The following LMTK2 variants were observed in gnomAD, a reference collection of about 807,000 sequenced individuals.
LMTK2 encodes the protein lemur tail kinase 2.
In LMTK2, 37 loss-of-function variants were observed where a neutral mutation model predicts 127.5. That is an observed-to-expected ratio of 0.29 (90% CI 0.22 to 0.38). The LOEUF is 0.38. Among genes scored for constraint, LMTK2 ranks in the 10% least tolerant of loss-of-function variants. LMTK2 has a pLI of 1.00. For synonymous variants in LMTK2, 819 were observed against 810.1 expected (o/e 1.01, Z -0.19); for missense variants, 1,694 against 1,920.3 (o/e 0.88, Z 2.20).
rs769430942 is a variant in LMTK2 at position 98,193,270 on chromosome 7, C to T, written c.2805C>T (p.His935=). 6.2e-7 allele frequency: 1 copy of T among 1,613,770 alleles called. No homozygotes were observed. The highest frequency in any genetic ancestry group is 1.1e-5 in the South Asian group (1 of 91,076). The part of the protein sequence containing the change: ...LHNKPFSEDH[H]SHRRLEKNLE... ...ATAAACCATTTTCGGAAGACCATCACAGTCATCGCCGGCTAGAGAAAAACT... is the reference window on the plus strand; with the variant it reads ...ATAAACCATTTTCGGAAGACCATCATAGTCATCGCCGGCTAGAGAAAAACT... Residue 935 remains histidine, a synonymous_variant, in exon 11 of 14, where the codon CAC becomes CAT. Transcript: ENST00000297293. The surrounding 1 kb of genome is among the most constrained non-coding windows in gnomAD (Gnocchi z 4.1).
chr7:98,188,672 A>G (rs1797475874), intron 9 of LMTK2, among the ~76,000 whole-genome samples: 1 of 152,092 alleles, frequency 6.6e-6, no homozygotes, highest in Admixed American at 6.5e-5. Context: ...TGAGTATACC[A>G]TCCTATTCTC....
rs951305840 is a variant in LMTK2 at position 98,206,784 on chromosome 7, G to A, written c.*1292G>A. On this transcript the variant is annotated 3_prime_UTR_variant, in exon 14 of 14. Transcript: ENST00000297293. ...ACGTCCAGCTGGGCCTGGCCAGTCT[G>A]TGGTTATCCATGTGGGATGAGATAA... The A allele has an allele frequency of 1.3e-5, 2 of 152,202 alleles. No homozygotes were observed. The highest frequency in any genetic ancestry group is 4.8e-5 in the African/African-American group (2 of 41,416). The allele number at this position is 152,202 out of a possible 1,614,324, so 9.4% of individuals were successfully genotyped here.
At chr7:98,143,950 A>G (rs1168434494) in intron 3 of LMTK2, among the ~76,000 whole-genome samples, 2 of 152,210 alleles carry the variant, frequency 1.3e-5, no homozygotes, top group African/African-American at 4.8e-5. Context: ...TTCCTATAAA[A>G]GGATCAAGGT....
chr7:98,182,622 G>A (rs1584286283), intron 7 of LMTK2, among the ~76,000 whole-genome samples: 1 of 152,294 alleles, frequency 6.6e-6, no homozygotes, highest in African/African-American at 2.4e-5. Flanking sequence ...GAACCCTTGT[G>A]CTCTGTTGGT....
In LMTK2 at chr7:98,192,051, T is replaced by TC; in HGVS notation, c.1591dup (p.Leu531ProfsTer11). On this transcript the variant is annotated frameshift_variant, in exon 11 of 14. Transcript: ENST00000297293. LOFTEE classifies it high-confidence loss of function. ...AAGCAAGATGACAGCGGCCAGGATG[T>TC]CCCCCTGAGGGTCCCTGGAGTGGTT... The TC allele has an allele frequency of 6.2e-7, 1 of 1,600,684 alleles. No individual in the cohort carries two copies. The highest frequency in any genetic ancestry group is 8.5e-7 in the Non-Finnish European group (1 of 1,171,212).
Position 98,205,545 on chromosome 7 carries a change from C to A in LMTK2, c.*53C>A. The A allele has an allele frequency of 7.5e-6, 12 of 1,594,662 alleles. No homozygotes were observed. Among genetic ancestry groups the A allele is most frequent in the Non-Finnish European group, 1.0e-5 (12 of 1,168,408 alleles). The stretch of plus-strand genomic sequence containing the variant: ...CGAGGCTGCTCCCCTGGAGCGGCGC[C>A]CCTGCGCCCTCAGCCCGAGCAGCGA... On this transcript the variant is annotated 3_prime_UTR_variant, in exon 14 of 14. Transcript: ENST00000297293.
In LMTK2 at chr7:98,208,218, G is replaced by A. The variant is rs1409363457; in HGVS notation, c.*2726G>A. 6.6e-6 allele frequency: 1 copy of A among 152,152 alleles called. No individual in the cohort carries two copies. The highest frequency in any genetic ancestry group is 1.5e-5 in the Non-Finnish European group (1 of 68,028). 9.4% of individuals were successfully genotyped at this position (152,152 alleles called of 1,614,324 possible). On this transcript the variant is annotated 3_prime_UTR_variant, in exon 14 of 14. Coordinates refer to ENST00000297293, the MANE Select transcript of LMTK2 (RefSeq NM_014916.4). ...TTATACATTGAGTTGGGGGGTAGTG[G>A]ATCTTAGTGTGGTGTTGCATGGAGG...
At position 98,150,342 on chromosome 7, in the gene LMTK2, T is replaced by C. The variant is rs1451411913; in HGVS notation, c.377-1040T>C. Among the ~76,000 whole-genome samples, 4 of 148,020 alleles carry C rather than the reference T, an allele frequency of 2.7e-5. No homozygotes were observed. In the East Asian group the frequency reaches 5.9e-4, roughly 22 times the overall value. On this transcript the variant is annotated intron_variant, in intron 3 of 13. Transcript: ENST00000297293. Reference sequence around the variant, plus strand: ...AAAAAAGGAAAAATGAAAACTAAAATAAGATTGCATACCCTTTAGAATGGC... The same window carrying C: ...AAAAAAGGAAAAATGAAAACTAAAACAAGATTGCATACCCTTTAGAATGGC...
chr7:98,121,404 G>A (rs1051734395), intron 1 of LMTK2, among the ~76,000 whole-genome samples: 2 of 151,936 alleles, frequency 1.3e-5, no homozygotes, highest in Non-Finnish European at 2.9e-5. Flanking sequence ...CAAGGCAGGT[G>A]GATCATGAGG....
chr7:98,195,451 C>G (rs1309484555), intron 11 of LMTK2, among the ~76,000 whole-genome samples: 1 of 151,160 alleles, frequency 6.6e-6, no homozygotes, highest in East Asian at 1.9e-4. Flanking sequence ...AAAAATGTAA[C>G]AGCGGATAAT....
At chr7:98,135,194 CCT>C (rs1796580442) in intron 1 of LMTK2, among the ~76,000 whole-genome samples, 1 of 152,162 alleles carries the variant, frequency 6.6e-6, no homozygotes, top group Non-Finnish European at 1.5e-5. Flanking sequence ...GTTAGTTTTT[CCT>C]CTCTTCAAGT....
chr7:98,116,353 A>C (rs748563391), intron 1 of LMTK2, among the ~76,000 whole-genome samples: 2 of 152,084 alleles, frequency 1.3e-5, no homozygotes, highest in African/African-American at 2.4e-5. Flanking sequence ...ATGATACTAG[A>C]GAACTAAGTT....
chr7:98,194,600 A>G lies in LMTK2; in HGVS notation c.4107+28A>G, dbSNP rs750437537. On this transcript the variant is annotated intron_variant, in intron 11 of 13. Transcript: ENST00000297293. The surrounding 1 kb of genome is among the most constrained non-coding windows in gnomAD (Gnocchi z 5.4). The stretch of plus-strand genomic sequence containing the variant: ...ATCTGTTCCCTCTAAATCATTTTCT[A>G]TACACATCCATATAAGGATTCCAAA... The G allele has an allele frequency of 4.9e-5, 76 of 1,554,196 alleles. No individual in the cohort carries two copies. The Admixed American group carries it at 1.3e-3, about 27-fold the overall frequency.
intron 2 of LMTK2, among the ~76,000 whole-genome samples, chr7:98,138,176 G>A (rs74636425): frequency 0.065 from 9,907 of 152,216 alleles, 725 homozygotes; most frequent in East Asian, 0.36. Flanking sequence ...ACATGGGGGG[G>A]AGAAGGAAGG....
intron 1 of LMTK2, among the ~76,000 whole-genome samples, chr7:98,114,661 A>T (rs1202759982): frequency 6.6e-6 from 1 of 152,192 alleles, no homozygotes; most frequent in Non-Finnish European, 1.5e-5. Context: ...AGACGGTCGC[A>T]TCGGGGTGTC....
rs539424377 is a variant in LMTK2, at chr7:98,193,549, A to G, written c.3084A>G (p.Ala1028=). 5.0e-6 allele frequency: 8 copies of G among 1,614,172 alleles called. No individual in the cohort carries two copies. In the African/African-American group the frequency reaches 5.3e-5, roughly 11 times the overall value. ...AACTAGTGCCCCCCGATAAGCCGGC[A>G]GACAGTGGCTACGAAACAGAGAACT... The part of the protein sequence containing the change: ...PQKLVPPDKP[A]DSGYETENLE... Residue 1028 remains alanine (A), a synonymous_variant, in exon 11 of 14, where the codon GCA becomes GCG. Coordinates refer to ENST00000297293, the MANE Select transcript of LMTK2 (RefSeq NM_014916.4). This position sits in a 1 kb window ranked among gnomAD's most constrained non-coding sequence, Gnocchi z 4.1.
intron 1 of LMTK2, among the ~76,000 whole-genome samples, chr7:98,114,553 T>A (rs1450897972): frequency 6.6e-6 from 1 of 152,190 alleles, no homozygotes; most frequent in Non-Finnish European, 1.5e-5. Flanking sequence ...GTAGTTTTAA[T>A]ATTTTAAAAG....
At chr7:98,169,673 C>G (rs1343656797) in intron 6 of LMTK2, among the ~76,000 whole-genome samples, 1 of 152,182 alleles carries the variant, frequency 6.6e-6, no homozygotes, top group Non-Finnish European at 1.5e-5. Flanking sequence ...AAACTCCCAG[C>G]TGCCTGTAGT....
chr7:98,177,349 G>C (rs1196710110), intron 7 of LMTK2, among the ~76,000 whole-genome samples: 1 of 152,166 alleles, frequency 6.6e-6, no homozygotes, highest in East Asian at 1.9e-4. Flanking sequence ...ACACAGGACT[G>C]TATGAAGAAA....
Sources: gnomAD v4.1 joint callset for allele counts (sites outside exome capture counted in the v4.1 genomes callset) on GRCh38, gnomAD v4.1.1 for gene constraint, Gnocchi (gnomAD v3.1) non-coding constraint, MANE v1.5 for transcripts, NCBI Gene and HGNC (gene_info 2026-07-23, HGNC 2026-07-21) for gene names.